Variants in WWOX observed in about 807,000 individuals in gnomAD.
WWOX encodes the protein WW domain containing oxidoreductase.
In WWOX, 69 loss-of-function variants were observed where a neutral mutation model predicts 46.2. That is an observed-to-expected ratio of 1.49 (90% CI 1.23 to 1.82). WWOX has a LOEUF of 1.82. Among genes scored for constraint, WWOX ranks in the 40% most tolerant of loss-of-function variants. The pLI is 0.00. For missense variants in WWOX, 919 were observed against 542.6 expected, an observed-to-expected ratio of 1.69 and a Z score of -6.89; for synonymous variants, 359 against 202.6, an observed-to-expected ratio of 1.77 and a Z score of -6.56.
At chr16:78,423,316 A>G (rs2082995895) in intron 6 of WWOX, among the ~76,000 whole-genome samples, 2 of 152,218 alleles carry the variant, frequency 1.3e-5, no homozygotes, top group African/African-American at 2.4e-5. Context: ...AGGTCGGTAG[A>G]TTTGTTTATG....
rs187673426 is a variant in WWOX at position 78,530,375 on chromosome 16, A to T, written c.1056+97623A>T. 5.8e-3 allele frequency among the ~76,000 whole-genome samples: 875 copies of T among 152,152 alleles called. 1 individual carries two copies. The highest frequency in any genetic ancestry group is 0.017 in the Middle Eastern group (5 of 294). On this transcript the variant is annotated intron_variant, in intron 8 of 8. Transcript: ENST00000566780. Reference sequence around the variant, plus strand: ...ATTTTAAGGATGGCAGATGTGGGGGATTTTATTGCTGATGAAAGTGGCTTT... The same window carrying T: ...ATTTTAAGGATGGCAGATGTGGGGGTTTTTATTGCTGATGAAAGTGGCTTT...
At chr16:79,115,142 G>GT (rs762354091) in intron 8 of WWOX, among the ~76,000 whole-genome samples, 2 of 152,150 alleles carry the variant, frequency 1.3e-5, no homozygotes, top group Non-Finnish European at 2.9e-5. Flanking sequence ...ACTCCTTCGT[G>GT]TTCCCCATGT....
chr16:79,125,792 A>C (rs1314212885), intron 8 of WWOX, among the ~76,000 whole-genome samples: 1 of 152,220 alleles, frequency 6.6e-6, no homozygotes, highest in Non-Finnish European at 1.5e-5. Context: ...CCTTGTGCTA[A>C]ATTGAAACAT....
intron 8 of WWOX, among the ~76,000 whole-genome samples, chr16:79,208,261 C>T (rs376296925): frequency 6.6e-5 from 10 of 152,142 alleles, no homozygotes; most frequent in Non-Finnish European, 1.2e-4. Context: ...CCCAGAAATT[C>T]TCAGTCCTGT....
At chr16:78,678,042 C>A (rs893220997) in intron 8 of WWOX, among the ~76,000 whole-genome samples, 4 of 152,184 alleles carry the variant, frequency 2.6e-5, no homozygotes, top group African/African-American at 9.7e-5. Context: ...TTATTTTTCT[C>A]CTTAGCAGAC....
chr16:78,753,826 ATATATATATAT>A (rs1310492744), intron 8 of WWOX, among the ~76,000 whole-genome samples: 7 of 25,620 alleles, frequency 2.7e-4, no homozygotes, highest in African/African-American at 8.2e-4. Flanking sequence ...AAAAAAAAAA[ATATATATATAT>A]ATATATATAT....
intron 8 of WWOX, among the ~76,000 whole-genome samples, chr16:78,471,399 T>A (rs547567514): frequency 6.6e-6 from 1 of 152,328 alleles, no homozygotes; most frequent in South Asian, 2.1e-4. Flanking sequence ...AAATGCTAAT[T>A]AAGTTTTGCT....
At chr16:78,689,346 A>C (rs2047934234) in intron 8 of WWOX, among the ~76,000 whole-genome samples, 1 of 152,202 alleles carries the variant, frequency 6.6e-6, no homozygotes, top group African/African-American at 2.4e-5. Context: ...TAAACACCCC[A>C]GACATCATAT....
At chr16:78,116,295 A>G (rs1313433978) in intron 4 of WWOX, among the ~76,000 whole-genome samples, 1 of 152,118 alleles carries the variant, frequency 6.6e-6, no homozygotes, top group East Asian at 1.9e-4. Context: ...TTCTTTCTTA[A>G]TTTTGAACAA....
intron 4 of WWOX, among the ~76,000 whole-genome samples, chr16:78,142,456 C>T (rs1567595158): frequency 6.6e-6 from 1 of 152,148 alleles, no homozygotes; most frequent in Non-Finnish European, 1.5e-5. Flanking sequence ...GCTAGATACT[C>T]CCTAGTAGCT....
intron 8 of WWOX, among the ~76,000 whole-genome samples, chr16:78,827,336 T>G (rs183597686): frequency 3.7e-4 from 57 of 152,206 alleles, no homozygotes; most frequent in Non-Finnish European, 1.8e-4. Flanking sequence ...CACGATGATC[T>G]TGACCATTTT....
At chr16:78,729,567 T>C (rs2048917661) in intron 8 of WWOX, among the ~76,000 whole-genome samples, 1 of 152,002 alleles carries the variant, frequency 6.6e-6, no homozygotes, top group African/African-American at 2.4e-5. Context: ...CAGATATGCC[T>C]GGAGCCATCA....
intron 4 of WWOX, among the ~76,000 whole-genome samples, chr16:78,134,269 C>T (rs1003639385): frequency 5.3e-5 from 8 of 152,040 alleles, no homozygotes; most frequent in African/African-American, 1.9e-4. Context: ...TGTCAGAAGT[C>T]TTTCTTTAGA....
rs1380169058 is a variant in WWOX, at chr16:78,583,115, T to G, written c.1056+150363T>G. Among the ~76,000 whole-genome samples, 4 of 152,224 alleles carry G rather than the reference T, an allele frequency of 2.6e-5. No homozygotes were observed. The East Asian group carries it at 7.7e-4, about 29-fold the overall frequency. ...TGGGAGTTAGGAGAAGTGAATCTTTTGTTTTCGAAGCCTTTGTCCTTGTGA... is the reference window on the plus strand; with the variant it reads ...TGGGAGTTAGGAGAAGTGAATCTTTGGTTTTCGAAGCCTTTGTCCTTGTGA... On this transcript the variant is annotated intron_variant, in intron 8 of 8. Coordinates refer to ENST00000566780, the MANE Select transcript of WWOX (RefSeq NM_016373.4).
At chr16:79,034,518 C>A (rs1323130857) in intron 8 of WWOX, among the ~76,000 whole-genome samples, 1 of 152,150 alleles carries the variant, frequency 6.6e-6, no homozygotes, top group African/African-American at 2.4e-5. Context: ...AGTATTTTGC[C>A]CCCTCACCGA....
chr16:78,337,055 A>G (rs2080908148), intron 5 of WWOX, among the ~76,000 whole-genome samples: 1 of 152,178 alleles, frequency 6.6e-6, no homozygotes, highest in African/African-American at 2.4e-5. Context: ...GGTTGGGATT[A>G]CAGGTGTCAG....
At position 78,805,573 on chromosome 16, in the gene WWOX, G is replaced by A. The variant is rs145357518; in HGVS notation, c.1056+372821G>A. Among the ~76,000 whole-genome samples the A allele has an allele frequency of 8.5e-5, 13 of 152,256 alleles. No individual in the cohort carries two copies. In the East Asian group the frequency reaches 1.4e-3, roughly 16 times the overall value. On this transcript the variant is annotated intron_variant, in intron 8 of 8. Transcript: ENST00000566780. ...GCTGGGATTACAGGCGTGAGCTGACGCTCCCGGCCTACAGCATAGATTTGA... is the reference window on the plus strand; with the variant it reads ...GCTGGGATTACAGGCGTGAGCTGACACTCCCGGCCTACAGCATAGATTTGA...
intron 8 of WWOX, among the ~76,000 whole-genome samples, chr16:78,877,521 G>A (rs2044258834): frequency 6.6e-6 from 1 of 152,296 alleles, no homozygotes; most frequent in Non-Finnish European, 1.5e-5. Flanking sequence ...TAAAATGGCA[G>A]CCTGCCTCTC....
At chr16:79,047,808 T>A (rs16949400) in intron 8 of WWOX, among the ~76,000 whole-genome samples, 4,461 of 150,756 alleles carry the variant, frequency 0.03, 212 homozygotes, top group African/African-American at 0.1. Flanking sequence ...TGGCTCACAG[T>A]AGGACCATGA....
Sources: gnomAD v4.1 joint callset for allele counts (sites outside exome capture counted in the v4.1 genomes callset) on GRCh38, gnomAD v4.1.1 for gene constraint, MANE v1.5 for transcripts, NCBI Gene and HGNC (gene_info 2026-07-23, HGNC 2026-07-21) for gene names.